The following ZNF618 variants were observed in gnomAD, a reference collection of about 807,000 sequenced individuals.
The protein encoded by ZNF618 is neural precursor cell expressed, developmentally down-regulated 10.
ZNF618 carries 34 observed loss-of-function variants against 103.0 expected under a neutral mutation model. The observed-to-expected ratio is 0.33, with a 90% CI of 0.25 to 0.44. The LOEUF is 0.44. Ranked by LOEUF, ZNF618 falls within the 20% of genes least tolerant of loss-of-function variation. The probability of loss-of-function intolerance (pLI) is 1.00; values close to 1 mark genes in which losing one functional copy is unlikely to be tolerated. For synonymous variants in ZNF618, 551 were observed against 542.2 expected, an observed-to-expected ratio of 1.02 and a Z score of -0.23; for missense variants, 1,059 against 1,295.4, an observed-to-expected ratio of 0.82 and a Z score of 2.80.
chr9:113,892,198 C>T (rs531180368), intron 1 of ZNF618, among the ~76,000 whole-genome samples: 9 of 152,176 alleles, frequency 5.9e-5, no homozygotes, highest in South Asian at 2.1e-4. Flanking sequence ...TTCCATGCCC[C>T]GCCCCCCCAA....
chr9:113,934,835 T>C (rs886248336), intron 1 of ZNF618, among the ~76,000 whole-genome samples: 8 of 152,212 alleles, frequency 5.3e-5, no homozygotes, highest in Admixed American at 1.3e-4. Context: ...TGCCTGGCCG[T>C]GGCCCGAGCA....
intron 1 of ZNF618, among the ~76,000 whole-genome samples, chr9:113,941,244 T>C (rs184655835): frequency 6.6e-6 from 1 of 152,326 alleles, no homozygotes; most frequent in East Asian, 1.9e-4. Context: ...ATTTACATTT[T>C]CCTCATTCTC....
chr9:113,954,858 C>G (rs2900571), intron 1 of ZNF618, among the ~76,000 whole-genome samples: 99,518 of 152,014 alleles, frequency 0.65, 32,728 homozygotes, highest in Admixed American at 0.71. Context: ...CCCATTCTCT[C>G]CCTCTGGTGG....
At chr9:113,887,215 G>C (rs1829159339) in intron 1 of ZNF618, among the ~76,000 whole-genome samples, 1 of 151,996 alleles carries the variant, frequency 6.6e-6, no homozygotes, top group South Asian at 2.1e-4. Context: ...TGATGTAGTG[G>C]TGTAGGCATT....
chr9:113,913,275 C>T (rs954195648), intron 1 of ZNF618, among the ~76,000 whole-genome samples: 2 of 152,240 alleles, frequency 1.3e-5, no homozygotes, highest in Admixed American at 6.5e-5. Context: ...TTGAAGCGAT[C>T]TCAGTGTTAA....
intron 2 of ZNF618, among the ~76,000 whole-genome samples, chr9:113,981,603 CCG>C (rs1838982609): frequency 6.6e-6 from 1 of 152,190 alleles, no homozygotes; most frequent in Admixed American, 6.5e-5. Context: ...AGAAACAAAG[CCG>C]CCATACTCCC....
At chr9:113,953,225 C>A (rs1458732432) in intron 1 of ZNF618, among the ~76,000 whole-genome samples, 1 of 152,150 alleles carries the variant, frequency 6.6e-6, no homozygotes, top group Non-Finnish European at 1.5e-5. Context: ...TTGAACTTCC[C>A]ATTGAAGGGG....
At chr9:113,896,104 A>G (rs1830017754) in intron 1 of ZNF618, among the ~76,000 whole-genome samples, 1 of 151,694 alleles carries the variant, frequency 6.6e-6, no homozygotes, top group Admixed American at 6.6e-5. Flanking sequence ...TTCAGGGAGT[A>G]TTTTGTTGAT....
chr9:113,934,763 C>T (rs753940087), intron 1 of ZNF618, among the ~76,000 whole-genome samples: 12 of 152,160 alleles, frequency 7.9e-5, no homozygotes, highest in African/African-American at 2.4e-4. Context: ...AAATTAATTC[C>T]GGAACTCTGT....
chr9:113,949,407 G>A (rs1036175129), intron 1 of ZNF618, among the ~76,000 whole-genome samples: 1 of 152,120 alleles, frequency 6.6e-6, no homozygotes, highest in Non-Finnish European at 1.5e-5. Context: ...CCTCTGTGTG[G>A]TCCGAGACAG....
chr9:113,913,909 G>A (rs182287123), intron 1 of ZNF618, among the ~76,000 whole-genome samples: 8 of 152,292 alleles, frequency 5.3e-5, no homozygotes, highest in African/African-American at 1.9e-4. Context: ...AGAGGAAGGT[G>A]GAGGTGAATT....
intron 1 of ZNF618, among the ~76,000 whole-genome samples, chr9:113,944,680 A>G (rs1011996090): frequency 1.3e-5 from 2 of 152,262 alleles, no homozygotes; most frequent in Admixed American, 1.3e-4. Flanking sequence ...TTAAAAAAGG[A>G]AAAAGACACA....
At chr9:113,984,634 C>T (rs896919454) in intron 2 of ZNF618, among the ~76,000 whole-genome samples, 13 of 152,266 alleles carry the variant, frequency 8.5e-5, no homozygotes, top group African/African-American at 3.1e-4. Flanking sequence ...CTTGAGGCCT[C>T]GGGCTGAGTT....
At chr9:114,023,877 G>A (rs1290705470) in intron 10 of ZNF618, among the ~76,000 whole-genome samples, 3 of 152,032 alleles carry the variant, frequency 2.0e-5, no homozygotes, top group Non-Finnish European at 2.9e-5. Context: ...ATGCTTTTAA[G>A]TATTTCTTGG....
At chr9:113,966,627 T>C (rs952606137) in intron 1 of ZNF618, among the ~76,000 whole-genome samples, 3 of 152,220 alleles carry the variant, frequency 2.0e-5, no homozygotes, top group African/African-American at 7.2e-5. Context: ...TCTGTCGTCA[T>C]GGTGTAGCTG....
At position 113,887,705 on chromosome 9, in the gene ZNF618, G is replaced by A. The variant is rs147837692; in HGVS notation, c.33+11292G>A. On this transcript the variant is annotated intron_variant, in intron 1 of 14. Coordinates refer to ENST00000374126, the MANE Select transcript of ZNF618 (RefSeq NM_001318042.2). ...AGTCATCTCCCTTGACTTCCAGCCT[G>A]GATCAGAGACCTGGAGGTGGGTGAG... Among the ~76,000 whole-genome samples the A allele has an allele frequency of 9.9e-3, 1,513 of 152,314 alleles. 41 individuals are homozygous for A. Among genetic ancestry groups the A allele is most frequent in the African/African-American group, 0.034 (1,428 of 41,572 alleles).
intron 1 of ZNF618, among the ~76,000 whole-genome samples, chr9:113,912,764 C>G (rs1164467358): frequency 1.3e-5 from 2 of 152,126 alleles, no homozygotes; most frequent in Non-Finnish European, 2.9e-5. Context: ...CTGTCTGGTG[C>G]TGCCACTGAC....
At chr9:113,889,861 A>G (rs1829459231) in intron 1 of ZNF618, among the ~76,000 whole-genome samples, 1 of 152,346 alleles carries the variant, frequency 6.6e-6, no homozygotes, top group African/African-American at 2.4e-5. Context: ...AGGCACAGCT[A>G]TGTGCATTCA....
chr9:114,035,144 A>G (rs965085702), intron 12 of ZNF618: 1 of 984,052 alleles, frequency 1.0e-6, no homozygotes, highest in African/African-American at 1.7e-5. Context: ...CTATCAGCAC[A>G]GAACAGCAGA....
Sources: gnomAD v4.1 joint callset for allele counts (sites outside exome capture counted in the v4.1 genomes callset) on GRCh38, gnomAD v4.1.1 for gene constraint, MANE v1.5 for transcripts, NCBI Gene and HGNC (gene_info 2026-07-23, HGNC 2026-07-21) for gene names.